The following ELAC2 variants were observed in gnomAD, a reference collection of about 807,000 sequenced individuals.
The protein encoded by ELAC2 is zinc phosphodiesterase ELAC protein 2.
Under a neutral mutation model 105.2 loss-of-function variants are expected in ELAC2, and 92 were observed. The observed-to-expected ratio is 0.87, with a 90% CI of 0.74 to 1.04. ELAC2 has a LOEUF of 1.04. Among genes scored for constraint, ELAC2 ranks in the 50% least tolerant of loss-of-function variants. ELAC2 has a pLI of 0.00. For synonymous variants in ELAC2, 468 were observed against 409.1 expected (o/e 1.14, Z -1.74); for missense variants, 1,099 against 1,071.7 (o/e 1.03, Z -0.36).
intron 12 of ELAC2, 58 bp from the exon 13 acceptor site, chr17:13,002,637 G>T: frequency 6.4e-6 from 10 of 1,557,334 alleles, no homozygotes; most frequent in African/African-American, 2.7e-5. Context: ...TCCCCCTGAG[G>T]AGTGGTGCTG....
intron 21 of ELAC2, 116 bp downstream of exon 21, chr17:12,994,648 T>C (rs1598196839): frequency 5.6e-6 from 9 of 1,599,518 alleles, no homozygotes; most frequent in Non-Finnish European, 7.7e-6. Context: ...ACTCTGAGGG[T>C]GGGGACCTGA....
Position 12,991,773 on chromosome 17 carries a change from G to GTCT in ELAC2, c.*1042_*1044dup, listed in dbSNP as rs1555570299. The GTCT allele has an allele frequency of 1.4e-5, 3 of 213,592 alleles. No homozygotes were observed. The highest frequency in any genetic ancestry group is 1.9e-4 in the South Asian group (1 of 5,304). 13.2% of individuals were successfully genotyped at this position (213,592 alleles called of 1,614,324 possible). A position where few individuals can be genotyped will look rare whatever the true frequency, so the allele number is the denominator to read the frequency against. On this transcript the variant is annotated 3_prime_UTR_variant, in exon 24 of 24. Transcript: ENST00000338034. ...TCCCTGGCTGATCTCTCGCTTGCTT[G>GTCT]TCTTTTGAGTTTTTAAAGCTCTTCT... is the stretch of plus-strand genomic sequence containing the variant.
rs566599389 is a variant in ELAC2 at position 13,007,263 on chromosome 17, A to G, written c.739-1284T>C. ...GTCAGAAATGACATGTAGGCCTTTG[A>G]GTGCTAAATGACATTTGATTTCCAT... On this transcript the variant is annotated intron_variant, in intron 8 of 23. Transcript: ENST00000338034. 5.9e-5 allele frequency among the ~76,000 whole-genome samples: 9 copies of G among 152,264 alleles called. No individual in the cohort carries two copies. In the South Asian group the frequency reaches 1.4e-3, roughly 25 times the overall value.
intron 7 of ELAC2, 83 bp from the exon 8 acceptor site, chr17:13,010,754 AT>A: frequency 8.1e-7 from 1 of 1,235,032 alleles, no homozygotes; most frequent in Non-Finnish European, 1.2e-6. Flanking sequence ...CCGATACCTA[AT>A]TTCACTTCAC....
At chr17:12,999,752 G>A (rs113796212) in intron 15 of ELAC2, among the ~76,000 whole-genome samples, 27,376 of 151,768 alleles carry the variant, frequency 0.18, 2,517 homozygotes, top group African/African-American at 0.2. Flanking sequence ...TCCGCCTCCC[G>A]GGTTCTCGCC....
At chr17:13,014,290 CAAA>C (rs959230890) in intron 5 of ELAC2, 146 bp downstream of exon 5, 4,657 of 367,128 alleles carry the variant, frequency 0.013, no homozygotes, top group East Asian at 0.024. Flanking sequence ...AGACTCTATC[CAAA>C]AAAAAAAAAA....
At chr17:13,008,355 T>C (rs1159285025) in intron 8 of ELAC2, among the ~76,000 whole-genome samples, 1 of 149,982 alleles carries the variant, frequency 6.7e-6, no homozygotes. Context: ...ACTAAAAAAA[T>C]ACAAAAATTA....
At chr17:12,996,286 G>C (rs960834450) in intron 17 of ELAC2, 5 of 640,764 alleles carry the variant, frequency 7.8e-6, no homozygotes, top group African/African-American at 5.5e-5. Context: ...TGAGCAGGCC[G>C]TGTGAGATTC....
chr17:12,996,465 G>A (rs1420916539), intron 17 of ELAC2, 82 bp downstream of exon 17: 7 of 1,603,482 alleles, frequency 4.4e-6, no homozygotes, highest in Non-Finnish European at 8.5e-7. Context: ...TGGAAGCGGA[G>A]GAAAAGACGC....
At chr17:13,002,714 T>C (rs2040884013) in intron 12 of ELAC2, 135 bp from the exon 13 acceptor site, 2 of 1,411,220 alleles carry the variant, frequency 1.4e-6, no homozygotes, top group African/African-American at 1.4e-5. Flanking sequence ...GCAGTGTTAC[T>C]ACATGGCCAA....
At chr17:13,010,880 A>G (rs1397838402) in intron 7 of ELAC2, among the ~76,000 whole-genome samples, 1 of 152,264 alleles carries the variant, frequency 6.6e-6, no homozygotes, top group African/African-American at 2.4e-5. Context: ...GAAAAACACA[A>G]AACTCTCACC....
chr17:12,992,381 G>T lies in ELAC2; in HGVS notation c.*437C>A, dbSNP rs1271215054. On this transcript the variant is annotated 3_prime_UTR_variant, in exon 24 of 24. Coordinates refer to ENST00000338034, the MANE Select transcript of ELAC2 (RefSeq NM_018127.7). ...GTAGCAGCAGCAGGAGGAAGCAAAA[G>T]AACTCACAATTGCAAACTCAATCTT... The T allele has an allele frequency of 1.1e-5, 4 of 359,936 alleles. No homozygotes were observed. The highest frequency in any genetic ancestry group is 2.1e-5 in the Non-Finnish European group (4 of 192,102). 22.3% of individuals were successfully genotyped at this position (359,936 alleles called of 1,614,324 possible).
intron 15 of ELAC2, among the ~76,000 whole-genome samples, chr17:12,999,698 G>A (rs1011345424): frequency 7.3e-5 from 11 of 151,500 alleles, no homozygotes; most frequent in Non-Finnish European, 1.5e-4. Context: ...TCACTCTGTC[G>A]TCCAGGCTGG....
chr17:12,993,696 G>A lies in ELAC2; in HGVS notation c.2244C>T (p.Asp748=). The A allele has an allele frequency of 6.2e-7, 1 of 1,614,174 alleles. No individual in the cohort carries two copies. The change falls in exon 23 of 24, where the codon GAC becomes GAT. Residue 748 remains aspartate (D), a synonymous_variant. Transcript: ENST00000338034. The part of the protein sequence containing the change: ...NFSEKVGVAF[D]HMKVCFGDFP... ...CGTGTGACATACAGACCTTCATGTG[G>A]TCAAAGGCAACTCCCACTTTCTCGC...
intron 3 of ELAC2, among the ~76,000 whole-genome samples, chr17:13,016,235 T>A (rs975330880): frequency 6.6e-6 from 1 of 152,164 alleles, no homozygotes. Flanking sequence ...GACCTTCCGG[T>A]TGATAGACAT....
intron 6 of ELAC2, 34 bp from the exon 7 acceptor site, chr17:13,011,816 G>C: frequency 1.2e-6 from 2 of 1,613,988 alleles, no homozygotes. Flanking sequence ...ATTACACACT[G>C]CACAAGGTGA....
intron 16 of ELAC2, among the ~76,000 whole-genome samples, chr17:12,997,717 C>T (rs1172424442): frequency 1.3e-5 from 2 of 152,116 alleles, no homozygotes; most frequent in African/African-American, 4.8e-5. Context: ...GTTTATCATC[C>T]ACCACTAGCA....
In ELAC2 at chr17:13,000,280, G is replaced by A; in HGVS notation, c.1305-6C>T. On this transcript the variant is annotated splice_polypyrimidine_tract_variant and splice_region_variant and intron_variant, in intron 14 of 23. Coordinates refer to ENST00000338034, the MANE Select transcript of ELAC2 (RefSeq NM_018127.7). ...TGCAAGTAATAATGGCATCCCTGCA[G>A]GAAGAGAGAGAAGCATCTCAGGTGA... 6.2e-7 allele frequency: 1 copy of A among 1,613,186 alleles called. No homozygotes were observed. The highest frequency in any genetic ancestry group is 8.5e-7 in the Non-Finnish European group (1 of 1,179,336).
rs1567747065 is a variant in ELAC2 at position 12,997,058 on chromosome 17, G to A, written c.1521-373C>T. Reference sequence around the variant, plus strand: ...TGTTGAAAATACCAGGACAGGCACTGGGCCATATGAGACTCTTTCTAGGTC... The same window carrying A: ...TGTTGAAAATACCAGGACAGGCACTAGGCCATATGAGACTCTTTCTAGGTC... On this transcript the variant is annotated intron_variant, in intron 16 of 23. Transcript: ENST00000338034. 2.0e-5 allele frequency among the ~76,000 whole-genome samples: 3 copies of A among 152,112 alleles called. No homozygotes were observed. In the South Asian group the frequency reaches 6.2e-4, roughly 32 times the overall value.
Sources: allele counts gnomAD v4.1 joint callset (sites outside exome capture counted in the v4.1 genomes callset), GRCh38; gene constraint gnomAD v4.1.1; transcripts MANE v1.5; gene names NCBI Gene and HGNC (gene_info 2026-07-23, HGNC 2026-07-21).